The following EPHA6 variants were observed in gnomAD, a reference collection of about 807,000 sequenced individuals.
EPHA6 encodes the protein EPH receptor A6, also known as ephrin type-A receptor 6.
A neutral mutation model predicts 112.0 loss-of-function variants in EPHA6; 50 were observed. That is an observed-to-expected ratio of 0.45 (90% CI 0.36 to 0.56). The LOEUF (loss-of-function observed/expected upper bound fraction) is 0.56. Among genes scored for constraint, EPHA6 ranks in the 20% least tolerant of loss-of-function variants. The pLI, the probability that EPHA6 is intolerant of heterozygous loss-of-function variation, is 0.00. For missense variants in EPHA6, 1,280 were observed against 1,417.4 expected, an observed-to-expected ratio of 0.90 and a Z score of 1.56; for synonymous variants, 529 against 490.7, an observed-to-expected ratio of 1.08 and a Z score of -1.03.
intron 5 of EPHA6, among the ~76,000 whole-genome samples, chr3:97,301,943 A>G (rs2081110195): frequency 6.6e-6 from 1 of 152,142 alleles, no homozygotes; most frequent in Non-Finnish European, 1.5e-5. Flanking sequence ...GAAAGGGCTT[A>G]GAATGTATAA....
chr3:97,137,561 A>G (rs1559750930), intron 3 of EPHA6, among the ~76,000 whole-genome samples: 1 of 152,188 alleles, frequency 6.6e-6, no homozygotes, highest in Non-Finnish European at 1.5e-5. Flanking sequence ...AAGGAATATG[A>G]CAAGTACTCA....
chr3:97,578,900 A>G (rs904107801), intron 11 of EPHA6, among the ~76,000 whole-genome samples: 3 of 152,166 alleles, frequency 2.0e-5, no homozygotes, highest in African/African-American at 7.2e-5. Context: ...TTTAAATACA[A>G]TCACACATAC....
intron 12 of EPHA6, among the ~76,000 whole-genome samples, chr3:97,603,111 A>C (rs1316019010): frequency 6.6e-6 from 1 of 152,028 alleles, no homozygotes; most frequent in Non-Finnish European, 1.5e-5. Flanking sequence ...TTGTTATTAA[A>C]ATTTTTCAAT....
At chr3:96,951,509 ACT>A (rs754440863) in intron 2 of EPHA6, among the ~76,000 whole-genome samples, 2 of 152,082 alleles carry the variant, frequency 1.3e-5, no homozygotes, top group African/African-American at 4.8e-5. Context: ...AAGAATATAA[ACT>A]CTATAAATCA....
intron 6 of EPHA6, among the ~76,000 whole-genome samples, chr3:97,410,993 G>A (rs570268406): frequency 2.6e-5 from 4 of 151,852 alleles, no homozygotes; most frequent in African/African-American, 7.2e-5. Flanking sequence ...GCAAAATGCA[G>A]TAAAGGACCA....
chr3:97,510,399 T>C (rs928041925), intron 10 of EPHA6, among the ~76,000 whole-genome samples: 6 of 152,196 alleles, frequency 3.9e-5, no homozygotes, highest in Admixed American at 2.6e-4. Flanking sequence ...TTGGTGTTGA[T>C]GCTACTCCTT....
At chr3:97,738,977 A>T (rs887240725) in intron 16 of EPHA6, among the ~76,000 whole-genome samples, 1 of 151,772 alleles carries the variant, frequency 6.6e-6, no homozygotes, top group African/African-American at 2.4e-5. Flanking sequence ...TTGCAATACC[A>T]CCCACCCACT....
At chr3:97,590,963 G>A (rs56687318) in intron 11 of EPHA6, among the ~76,000 whole-genome samples, 3,168 of 152,208 alleles carry the variant, frequency 0.021, 85 homozygotes, top group African/African-American at 0.064. Context: ...TTCAATGATA[G>A]ATATTCCATG....
intron 3 of EPHA6, among the ~76,000 whole-genome samples, chr3:96,988,267 C>A (rs1386927559): frequency 3.3e-5 from 5 of 151,974 alleles, no homozygotes; most frequent in Non-Finnish European, 5.9e-5. Flanking sequence ...ATTGTGAAAG[C>A]AATTGATTCA....
At chr3:97,741,961 C>G (rs2035523743) in intron 16 of EPHA6, among the ~76,000 whole-genome samples, 1 of 151,978 alleles carries the variant, frequency 6.6e-6, no homozygotes, top group Non-Finnish European at 1.5e-5. Context: ...CCATATATCC[C>G]CCAAACACCC....
At chr3:97,653,784 A>C (rs2094121255) in intron 14 of EPHA6, among the ~76,000 whole-genome samples, 1 of 151,986 alleles carries the variant, frequency 6.6e-6, no homozygotes, top group Non-Finnish European at 1.5e-5. Context: ...TGGATAAAGA[A>C]AATGTGGTGT....
chr3:97,161,167 C>T (rs1452357006), intron 3 of EPHA6, among the ~76,000 whole-genome samples: 1 of 152,130 alleles, frequency 6.6e-6, no homozygotes, highest in African/African-American at 2.4e-5. Context: ...TTATTATGAG[C>T]ATCTCAAATT....
chr3:96,814,710 G>T lies in EPHA6; in HGVS notation c.87G>T (p.Gly29=), dbSNP rs1318618145. Residue 29 remains glycine (G), a synonymous_variant, in exon 1 of 18, where the codon GGG becomes GGT. Transcript: ENST00000389672. ...CCGAAGCAGCTGCACCTGCAACTGGGCAGCCTGGACCCTCGTGCCCTGTTC... is the reference window on the plus strand; with the variant it reads ...CCGAAGCAGCTGCACCTGCAACTGGTCAGCCTGGACCCTCGTGCCCTGTTC... ...SSSEAAAPAT[G]QPGPSCPVPG... is the part of the protein sequence containing the mutation. 6.6e-7 allele frequency: 1 copy of T among 1,517,290 alleles called. No homozygotes were observed. Among genetic ancestry groups the T allele is most frequent in the African/African-American group, 1.4e-5 (1 of 71,868 alleles). 94.0% of individuals were successfully genotyped at this position (1,517,290 alleles called of 1,614,324 possible).
intron 6 of EPHA6, among the ~76,000 whole-genome samples, chr3:97,427,200 A>G (rs1187254951): frequency 6.6e-6 from 1 of 152,218 alleles, no homozygotes; most frequent in Non-Finnish European, 1.5e-5. Flanking sequence ...GTATATACCC[A>G]AAGGAATATA....
chr3:97,501,303 T>C (rs1344405474), intron 10 of EPHA6, among the ~76,000 whole-genome samples: 6 of 151,372 alleles, frequency 4.0e-5, no homozygotes, highest in South Asian at 4.1e-4. Context: ...ATCTGAATGA[T>C]ACAATTTAAA....
At chr3:97,419,210 G>A (rs1220709718) in intron 6 of EPHA6, among the ~76,000 whole-genome samples, 4 of 152,282 alleles carry the variant, frequency 2.6e-5, no homozygotes, top group African/African-American at 9.6e-5. Context: ...GGCTGAGGCA[G>A]GAGAATCGCC....
At chr3:97,211,722 G>T (rs558622520) in intron 3 of EPHA6, among the ~76,000 whole-genome samples, 2 of 152,080 alleles carry the variant, frequency 1.3e-5, no homozygotes, top group East Asian at 1.9e-4. Context: ...AATTTGGGGG[G>T]CATACACACA....
intron 11 of EPHA6, among the ~76,000 whole-genome samples, chr3:97,581,082 A>G (rs994976789): frequency 1.3e-5 from 2 of 152,172 alleles, no homozygotes; most frequent in African/African-American, 4.8e-5. Context: ...AAGCAGTCCA[A>G]ATTGCTCCAC....
rs1346388062 is a variant in EPHA6 at position 97,756,463 on chromosome 3, CAAT to C, written c.*7763_*7765del. Among the ~76,000 whole-genome samples the C allele has an allele frequency of 1.4e-4, 22 of 151,936 alleles. No homozygotes were observed. The highest frequency in any genetic ancestry group is 5.3e-4 in the African/African-American group (22 of 41,516). On this transcript the variant is annotated 3_prime_UTR_variant, in exon 18 of 18. Coordinates refer to ENST00000389672, the MANE Select transcript of EPHA6 (RefSeq NM_001080448.3). ...CTGAATATCATACATAGTTAATAAA[CAAT>C]GATTGGAGCTTTTCAAAATTGCTGC...
Sources: gnomAD v4.1 joint callset for allele counts (sites outside exome capture counted in the v4.1 genomes callset) on GRCh38, gnomAD v4.1.1 for gene constraint, MANE v1.5 for transcripts, NCBI Gene and HGNC (gene_info 2026-07-23, HGNC 2026-07-21) for gene names.